Variants in GNAQ observed in about 807,000 individuals in gnomAD.
GNAQ encodes guanine nucleotide-binding protein G(q) subunit alpha.
Under a neutral mutation model 43.9 loss-of-function variants are expected in GNAQ, and 8 were observed. The observed-to-expected ratio is 0.18, with a 90% CI of 0.11 to 0.33. GNAQ has a LOEUF of 0.33. Among genes scored for constraint, GNAQ ranks in the 10% least tolerant of loss-of-function variants. The probability of loss-of-function intolerance (pLI) is 1.00; values close to 1 mark genes in which losing one functional copy is unlikely to be tolerated. For synonymous variants in GNAQ, 155 were observed against 170.7 expected, an observed-to-expected ratio of 0.91 and a Z score of 0.71; for missense variants, 158 against 450.8, an observed-to-expected ratio of 0.35 and a Z score of 5.88.
intron 5 of GNAQ, among the ~76,000 whole-genome samples, chr9:77,735,778 G>A (rs1288252850): frequency 6.6e-6 from 1 of 152,190 alleles, no homozygotes; most frequent in Non-Finnish European, 1.5e-5. Context: ...ACGCTGACAT[G>A]GCAATGTGGC....
At chr9:77,883,148 T>C (rs367820878) in intron 2 of GNAQ, among the ~76,000 whole-genome samples, 53 of 152,342 alleles carry the variant, frequency 3.5e-4, no homozygotes, top group African/African-American at 1.3e-3. Context: ...AGTAGGGACA[T>C]GTTCCAGCAG....
chr9:77,948,599 T>A (rs1184056359), intron 1 of GNAQ, among the ~76,000 whole-genome samples: 1 of 152,042 alleles, frequency 6.6e-6, no homozygotes, highest in Non-Finnish European at 1.5e-5. Flanking sequence ...TCCTAAGAAG[T>A]GGGCAGAGCA....
At chr9:77,818,694 A>G (rs1198721749) in intron 2 of GNAQ, among the ~76,000 whole-genome samples, 1 of 152,146 alleles carries the variant, frequency 6.6e-6, no homozygotes, top group African/African-American at 2.4e-5. Context: ...TATTTTGAAC[A>G]TTGTGCACAG....
intron 1 of GNAQ, among the ~76,000 whole-genome samples, chr9:77,998,677 T>C (rs1075369): frequency 0.75 from 114,794 of 152,114 alleles, 43,589 homozygotes; most frequent in African/African-American, 0.81. Context: ...ATAAAATAAA[T>C]CAAAATATTA....
chr9:77,945,525 CCTT>C (rs1822879771), intron 1 of GNAQ, among the ~76,000 whole-genome samples: 1 of 151,978 alleles, frequency 6.6e-6, no homozygotes, highest in African/African-American at 2.4e-5. Context: ...ACAGAAAAAG[CCTT>C]CTTATTTTGG....
intron 2 of GNAQ, among the ~76,000 whole-genome samples, chr9:77,908,990 A>T (rs1828755810): frequency 6.6e-6 from 1 of 152,340 alleles, no homozygotes; most frequent in South Asian, 2.1e-4. Context: ...AGCTGTCATC[A>T]CTGGAATATG....
chr9:77,857,768 G>C (rs1410689574), intron 2 of GNAQ, among the ~76,000 whole-genome samples: 1 of 150,128 alleles, frequency 6.7e-6, no homozygotes, highest in African/African-American at 2.5e-5. Flanking sequence ...TAATAAGAGG[G>C]AAGACTTTTA....
intron 1 of GNAQ, among the ~76,000 whole-genome samples, chr9:78,014,935 T>C (rs1316324095): frequency 6.6e-6 from 1 of 152,176 alleles, no homozygotes; most frequent in Non-Finnish European, 1.5e-5. Context: ...ATCGTAGTTA[T>C]CATAATGCAA....
At chr9:77,963,236 C>T (rs1823127353) in intron 1 of GNAQ, among the ~76,000 whole-genome samples, 1 of 152,030 alleles carries the variant, frequency 6.6e-6, no homozygotes, top group Admixed American at 6.5e-5. Context: ...GAAGATAAGG[C>T]CCACAACAGC....
intron 5 of GNAQ, among the ~76,000 whole-genome samples, chr9:77,737,526 T>C (rs1483712188): frequency 6.6e-6 from 1 of 152,182 alleles, no homozygotes; most frequent in Non-Finnish European, 1.5e-5. Flanking sequence ...AGACATTCCT[T>C]TTTTTTGCAT....
At chr9:77,770,676 T>A (rs1238212022) in intron 5 of GNAQ, among the ~76,000 whole-genome samples, 1 of 152,212 alleles carries the variant, frequency 6.6e-6, no homozygotes, top group Non-Finnish European at 1.5e-5. Context: ...CCTCTTGGCT[T>A]AACCAGTCCC....
At chr9:77,764,081 T>C (rs1388404892) in intron 5 of GNAQ, among the ~76,000 whole-genome samples, 6 of 152,298 alleles carry the variant, frequency 3.9e-5, no homozygotes, top group South Asian at 4.2e-4. Flanking sequence ...AAAAGGTTAA[T>C]AGGAACTTCC....
intron 2 of GNAQ, among the ~76,000 whole-genome samples, chr9:77,914,430 G>A (rs912248880): frequency 2.0e-5 from 3 of 152,052 alleles, no homozygotes; most frequent in Admixed American, 1.3e-4. Flanking sequence ...AGGCCGAGGC[G>A]GGCGGACCAC....
intron 3 of GNAQ, among the ~76,000 whole-genome samples, chr9:77,806,060 G>C (rs1826825126): frequency 6.6e-6 from 1 of 152,142 alleles, no homozygotes; most frequent in Admixed American, 6.5e-5. Context: ...TGGGCTCACA[G>C]CAATAGATTC....
rs1278487658 is a variant in GNAQ, at chr9:77,825,398, C to G, written c.322-9628G>C. Among the ~76,000 whole-genome samples, 5 of 152,312 alleles carry G rather than the reference C, an allele frequency of 3.3e-5. No homozygotes were observed. In the East Asian group the frequency reaches 9.7e-4, roughly 29 times the overall value. On this transcript the variant is annotated intron_variant, in intron 2 of 6. Transcript: ENST00000286548. The stretch of plus-strand genomic sequence containing the variant: ...AGCAACTGCCCACTGACCCTACTCA[C>G]AGAAGTGTGGTGTCTTCGTGGACCT...
intron 5 of GNAQ, among the ~76,000 whole-genome samples, chr9:77,772,733 A>T (rs574735492): frequency 1.9e-4 from 29 of 152,298 alleles, no homozygotes; most frequent in African/African-American, 6.7e-4. Context: ...GTCTTTTTTC[A>T]ACAACAAAGC....
intron 1 of GNAQ, among the ~76,000 whole-genome samples, chr9:77,943,109 T>C (rs541384450): frequency 6.6e-5 from 10 of 152,326 alleles, no homozygotes; most frequent in African/African-American, 2.4e-4. Flanking sequence ...ATAAGACTAA[T>C]AACCTCACAA....
intron 5 of GNAQ, among the ~76,000 whole-genome samples, chr9:77,769,727 C>T (rs1029601727): frequency 2.0e-5 from 3 of 147,054 alleles, no homozygotes; most frequent in Admixed American, 6.8e-5. Context: ...TGCAGTGGCG[C>T]GATCTCCGCT....
chr9:77,954,639 GAC>G (rs1288873257), intron 1 of GNAQ, among the ~76,000 whole-genome samples: 6 of 152,136 alleles, frequency 3.9e-5, no homozygotes, highest in Admixed American at 3.9e-4. Flanking sequence ...AGAGTTTAAT[GAC>G]ACAAAATTGA....
Sources: allele counts gnomAD v4.1 joint callset (sites outside exome capture counted in the v4.1 genomes callset), GRCh38; gene constraint gnomAD v4.1.1; transcripts MANE v1.5; gene names NCBI Gene and HGNC (gene_info 2026-07-23, HGNC 2026-07-21).